The following JCHAIN variants were observed in gnomAD, a reference collection of about 807,000 sequenced individuals.
The protein encoded by JCHAIN is immunoglobulin J chain.
Under a neutral mutation model 11.1 loss-of-function variants are expected in JCHAIN, and 5 were observed. That is an observed-to-expected ratio of 0.45 (90% CI 0.24 to 0.95). The LOEUF is 0.95. Ranked by LOEUF, JCHAIN falls within the 40% of genes least tolerant of loss-of-function variation. JCHAIN has a pLI of 0.21. For synonymous variants in JCHAIN, 51 were observed against 67.8 expected, an observed-to-expected ratio of 0.75 and a Z score of 1.22; for missense variants, 165 against 192.7, an observed-to-expected ratio of 0.86 and a Z score of 0.85.
chr4:70,657,158 T>G lies in JCHAIN; in HGVS notation c.269+53A>C, dbSNP rs1010811709. On this transcript the variant is annotated intron_variant, in intron 3 of 3. Transcript: ENST00000254801. Reference sequence around the variant, plus strand: ...ACATTCTTACTAACAAGGTTAAAATTAAAAGCTATTAACTTCCACATCTAT... The same window carrying G: ...ACATTCTTACTAACAAGGTTAAAATGAAAAGCTATTAACTTCCACATCTAT... The G allele has an allele frequency of 5.4e-6, 5 of 920,542 alleles. No individual in the cohort carries two copies. The African/African-American group carries it at 6.6e-5, about 12-fold the overall frequency. The allele number at this position is 920,542 out of a possible 1,614,324, so 57.0% of individuals were successfully genotyped here.
intron 1 of JCHAIN, among the ~76,000 whole-genome samples, chr4:70,663,190 A>C (rs1739093728): frequency 6.6e-6 from 1 of 152,032 alleles, no homozygotes; most frequent in African/African-American, 2.4e-5. Flanking sequence ...AAGAGGTCTG[A>C]TAAGTTGTTT....
chr4:70,656,436 T>C lies in JCHAIN; in HGVS notation c.373A>G (p.Thr125Ala), dbSNP rs1371863258. 2.5e-6 allele frequency: 4 copies of C among 1,613,864 alleles called. No individual in the cohort carries two copies. In the African/African-American group the frequency reaches 5.3e-5, roughly 22 times the overall value. ...GTGTAGCACTTGTTTCTGTCATAAGTGTAGCAGGTCTCTGTAGCACTGTCT... is the reference window on the plus strand; with the variant it reads ...GTGTAGCACTTGTTTCTGTCATAAGCGTAGCAGGTCTCTGTAGCACTGTCT... Reference protein sequence around the residue: ...DEDSATETCYTYDRNKCYTAV... With the variant: ...DEDSATETCYAYDRNKCYTAV... Residue 125 changes from threonine to alanine, a missense_variant, in exon 4 of 4, where the codon ACT becomes GCT. By Grantham distance (58) the Thr-to-Ala change is moderately conservative. Coordinates refer to ENST00000254801, the MANE Select transcript of JCHAIN (RefSeq NM_144646.4).
chr4:70,662,164 C>CT lies in JCHAIN; in HGVS notation c.115_116insA (p.Arg39GlnfsTer14). ...AGAACGGATGATCCTGGAAGTAATCCGGGCACACTTACATTTGTTGTCAAC... is the reference window on the plus strand; with the variant it reads ...AGAACGGATGATCCTGGAAGTAATCCTGGGCACACTTACATTTGTTGTCAAC... On this transcript the variant is annotated frameshift_variant, in exon 2 of 4. Coordinates refer to ENST00000254801, the MANE Select transcript of JCHAIN (RefSeq NM_144646.4). LOFTEE classifies it high-confidence loss of function. 2 of 1,613,036 alleles carry CT rather than the reference C, an allele frequency of 1.2e-6. No individual in the cohort carries two copies. Among genetic ancestry groups the CT allele is most frequent in the Non-Finnish European group, 1.7e-6 (2 of 1,179,058 alleles).
chr4:70,661,604 A>C (rs138408612), intron 2 of JCHAIN, among the ~76,000 whole-genome samples: 192 of 152,320 alleles, frequency 1.3e-3, no homozygotes, highest in African/African-American at 4.5e-3. Flanking sequence ...AGCCTGGGCA[A>C]CATAGTGAGA....
intron 2 of JCHAIN, among the ~76,000 whole-genome samples, chr4:70,661,440 G>A (rs570715626): frequency 1.3e-5 from 2 of 152,296 alleles, no homozygotes; most frequent in East Asian, 3.9e-4. Flanking sequence ...AGGCTTTAGT[G>A]TTATCTGAAG....
intron 3 of JCHAIN, 55 bp downstream of exon 3, chr4:70,657,156 A>G: frequency 1.1e-6 from 1 of 914,496 alleles, no homozygotes; most frequent in East Asian, 2.4e-5. Context: ...CAAGGTTAAA[A>G]TTAAAAGCTA....
At chr4:70,666,328 C>T (rs954254598) in intron 1 of JCHAIN, 99 bp downstream of exon 1, 22 of 762,808 alleles carry the variant, frequency 2.9e-5, no homozygotes, top group Non-Finnish European at 4.2e-5. Flanking sequence ...AGCTGGCTAA[C>T]TGGCCAACCA....
intron 2 of JCHAIN, among the ~76,000 whole-genome samples, chr4:70,661,846 A>G (rs1032340463): frequency 6.6e-6 from 1 of 152,210 alleles, no homozygotes; most frequent in Non-Finnish European, 1.5e-5. Flanking sequence ...TGATGACTAG[A>G]TTACAACCTT....
intron 1 of JCHAIN, among the ~76,000 whole-genome samples, chr4:70,665,632 G>T (rs1172737062): frequency 1.3e-5 from 2 of 151,668 alleles, no homozygotes; most frequent in African/African-American, 4.8e-5. Flanking sequence ...TATATTTTTA[G>T]ATATGTATAT....
rs544369611 is a variant in JCHAIN, at chr4:70,661,711, C to T, written c.188+381G>A. Among the ~76,000 whole-genome samples, 287 of 152,160 alleles carry T rather than the reference C, an allele frequency of 1.9e-3. 2 individuals carry two copies. The highest frequency in any genetic ancestry group is 6.7e-3 in the African/African-American group (278 of 41,520). ...GGAGGATCACTTGAGCCTGGGAGTT[C>T]GAGGCTGCAGTAAGCAGTAATCTTG... On this transcript the variant is annotated intron_variant, in intron 2 of 3. Transcript: ENST00000254801.
At chr4:70,661,958 A>T in intron 2 of JCHAIN, 134 bp downstream of exon 2, 2 of 780,680 alleles carry the variant, frequency 2.6e-6, no homozygotes, top group Non-Finnish European at 4.1e-6. Flanking sequence ...CATAAGACTC[A>T]ATTCTTTACT....
Position 70,657,198 on chromosome 4 carries a change from A to T in JCHAIN, c.269+13T>A, listed in dbSNP as rs772161700. On this transcript the variant is annotated intron_variant, in intron 3 of 3. Transcript: ENST00000254801. ...TCCACATCTATATTACTATGGAAAAAAATATATCTTACAGGTCAGACAAAT... is the reference window on the plus strand; with the variant it reads ...TCCACATCTATATTACTATGGAAAATAATATATCTTACAGGTCAGACAAAT... 1.3e-6 allele frequency: 2 copies of T among 1,489,574 alleles called. No homozygotes were observed. The highest frequency in any genetic ancestry group is 1.1e-5 in the South Asian group (1 of 87,038). 92.3% of individuals were successfully genotyped at this position (1,489,574 alleles called of 1,614,324 possible). A position where few individuals can be genotyped will look rare whatever the true frequency, so the allele number is the denominator to read the frequency against.
chr4:70,656,171 T>C lies in JCHAIN; in HGVS notation c.*158A>G. 1.6e-6 allele frequency: 1 copy of C among 606,926 alleles called. No individual in the cohort carries two copies. The highest frequency in any genetic ancestry group is 3.0e-6 in the Non-Finnish European group (1 of 336,964). The allele number at this position is 606,926 out of a possible 1,614,324, so 37.6% of individuals were successfully genotyped here. A position where few individuals can be genotyped will look rare whatever the true frequency, so the allele number is the denominator to read the frequency against. ...TACCTAATAAAGATAACAATGTGACTATTTTAATTATTTTGGTGGCAGGGA... is the reference window on the plus strand; with the variant it reads ...TACCTAATAAAGATAACAATGTGACCATTTTAATTATTTTGGTGGCAGGGA... On this transcript the variant is annotated 3_prime_UTR_variant, in exon 4 of 4. Coordinates refer to ENST00000254801, the MANE Select transcript of JCHAIN (RefSeq NM_144646.4).
rs1739070793 is a variant in JCHAIN at position 70,662,150 on chromosome 4, T to C, written c.130A>G (p.Ile44Val). ...KCKCARITSR[I>V]IRSSEDPNED... ...TTAGGATCTTCGGAAGAACGGATGA[T>C]CCTGGAAGTAATCCGGGCACACTTA... Residue 44 changes from isoleucine to valine, a missense_variant, in exon 2 of 4, where the codon ATC (isoleucine) becomes GTC (valine). By Grantham distance (29) the Ile-to-Val change is conservative (BLOSUM62 3). Coordinates refer to ENST00000254801, the MANE Select transcript of JCHAIN (RefSeq NM_144646.4). 6.2e-7 allele frequency: 1 copy of C among 1,612,960 alleles called. No individual in the cohort carries two copies. Among genetic ancestry groups the C allele is most frequent in the Admixed American group, 1.7e-5 (1 of 60,030 alleles).
In JCHAIN at chr4:70,662,153, T is replaced by C; in HGVS notation, c.127A>G (p.Arg43Gly). ...NKCKCARITSRIIRSSEDPNE... is the reference protein window; with the variant it reads ...NKCKCARITSGIIRSSEDPNE... ...GGATCTTCGGAAGAACGGATGATCCTGGAAGTAATCCGGGCACACTTACAT... is the reference window on the plus strand; with the variant it reads ...GGATCTTCGGAAGAACGGATGATCCCGGAAGTAATCCGGGCACACTTACAT... Residue 43 changes from arginine (R) to glycine (G), a missense_variant, in exon 2 of 4, where the codon AGG (arginine) becomes GGG (glycine). Physicochemically the swap from Arg to Gly is moderately radical, Grantham distance 125. Transcript: ENST00000254801. 6.2e-7 allele frequency: 1 copy of C among 1,612,532 alleles called. No individual in the cohort carries two copies. The highest frequency in any genetic ancestry group is 8.5e-7 in the Non-Finnish European group (1 of 1,178,524).
intron 2 of JCHAIN, among the ~76,000 whole-genome samples, chr4:70,661,271 T>C (rs1739054752): frequency 6.6e-6 from 1 of 152,214 alleles, no homozygotes. Context: ...AAGAGCTGTA[T>C]AGCATATAAC....
intron 2 of JCHAIN, among the ~76,000 whole-genome samples, chr4:70,657,812 T>C (rs968647082): frequency 2.6e-5 from 4 of 152,170 alleles, no homozygotes; most frequent in African/African-American, 7.2e-5. Context: ...CAGACAGATA[T>C]TATTATCCAG....
chr4:70,660,132 C>G (rs6852074), intron 2 of JCHAIN, among the ~76,000 whole-genome samples: 3,412 of 152,220 alleles, frequency 0.022, 110 homozygotes, highest in African/African-American at 0.072. Context: ...GTGCCAGTGT[C>G]ATGTATGCCA....
intron 2 of JCHAIN, among the ~76,000 whole-genome samples, chr4:70,659,780 T>C (rs937946791): frequency 3.3e-5 from 5 of 151,658 alleles, no homozygotes; most frequent in Non-Finnish European, 5.9e-5. Flanking sequence ...GGCAGGAGAA[T>C]TGTTTGAACC....
Sources: allele counts gnomAD v4.1 joint callset (sites outside exome capture counted in the v4.1 genomes callset), GRCh38; gene constraint gnomAD v4.1.1; transcripts MANE v1.5; gene names NCBI Gene and HGNC (gene_info 2026-07-23, HGNC 2026-07-21).